MARCHF1: variants seen among roughly 807,000 people sequenced by gnomAD.
The protein encoded by MARCHF1 is membrane associated ring-CH-type finger 1.
Under a neutral mutation model 54.2 loss-of-function variants are expected in MARCHF1, and 40 were observed. That is an observed-to-expected ratio of 0.74 (90% confidence interval 0.57 to 0.96). The LOEUF is 0.96. Among genes scored for constraint, MARCHF1 ranks in the 40% least tolerant of loss-of-function variants. The probability of loss-of-function intolerance (pLI) is 0.00; values close to 1 mark genes in which losing one functional copy is unlikely to be tolerated. For missense variants in MARCHF1, 586 were observed against 656.5 expected (o/e 0.89, Z 1.17); for synonymous variants, 236 against 236.3 (o/e 1.00, Z 0.01).
intron 1 of MARCHF1, among the ~76,000 whole-genome samples, chr4:164,337,624 T>C (rs1729775967): frequency 6.6e-6 from 1 of 152,244 alleles, no homozygotes; most frequent in South Asian, 2.1e-4. Flanking sequence ...ATATCTGGCA[T>C]GTGTACACCT....
intron 1 of MARCHF1, among the ~76,000 whole-genome samples, chr4:164,208,885 G>T (rs140685207): frequency 8.7e-4 from 132 of 152,160 alleles, no homozygotes; most frequent in Middle Eastern, 3.4e-3. Context: ...AGGAGGTTCA[G>T]GTTGCAGTGA....
chr4:164,176,966 CTCTCTCTCTCTCTCTATATATATA>C (rs1188366842), intron 1 of MARCHF1, among the ~76,000 whole-genome samples: 23 of 46,728 alleles, frequency 4.9e-4, no homozygotes, highest in African/African-American at 2.4e-3. Flanking sequence ...CTCTCTCTCT[CTCTCTCTCTCTCTCTATATATATA>C]TATATATATA....
intron 5 of MARCHF1, among the ~76,000 whole-genome samples, chr4:163,691,039 A>G (rs76176284): frequency 0.03 from 4,525 of 152,266 alleles, 79 homozygotes; most frequent in East Asian, 0.077. Context: ...TATTATAAGT[A>G]TATAAGGCAA....
intron 1 of MARCHF1, among the ~76,000 whole-genome samples, chr4:164,232,499 G>A (rs751289602): frequency 1.3e-5 from 2 of 152,110 alleles, no homozygotes; most frequent in Admixed American, 6.6e-5. Context: ...AGCCAAAAAT[G>A]CAAATCCCTG....
chr4:163,947,546 G>A (rs529440923), intron 3 of MARCHF1, among the ~76,000 whole-genome samples: 4 of 152,322 alleles, frequency 2.6e-5, no homozygotes, highest in Admixed American at 1.3e-4. Context: ...TGGACCCAGA[G>A]ATGAGAGTGA....
intron 5 of MARCHF1, among the ~76,000 whole-genome samples, chr4:163,641,672 T>G (rs1742560436): frequency 6.6e-6 from 1 of 152,182 alleles, no homozygotes; most frequent in African/African-American, 2.4e-5. Flanking sequence ...GGAGCACAAA[T>G]CTGATGCATA....
intron 2 of MARCHF1, among the ~76,000 whole-genome samples, chr4:164,010,847 G>C (rs112452142): frequency 2.3e-4 from 35 of 152,088 alleles, no homozygotes; most frequent in African/African-American, 8.2e-4. Flanking sequence ...AAACATCATA[G>C]TATCTGCCTT....
intron 2 of MARCHF1, among the ~76,000 whole-genome samples, chr4:164,060,805 C>T (rs1177572785): frequency 3.3e-5 from 5 of 152,120 alleles, no homozygotes; most frequent in Non-Finnish European, 4.4e-5. Context: ...TAAGCAACAA[C>T]GAAGATGTTC....
At chr4:163,717,108 T>G (rs1745286000) in intron 4 of MARCHF1, among the ~76,000 whole-genome samples, 1 of 150,534 alleles carries the variant, frequency 6.6e-6, no homozygotes, top group Non-Finnish European at 1.5e-5. Context: ...AACTCGTCAT[T>G]TAGCATTAGG....
chr4:164,183,620 A>G (rs1730890463), intron 1 of MARCHF1, among the ~76,000 whole-genome samples: 1 of 152,168 alleles, frequency 6.6e-6, no homozygotes, highest in Admixed American at 6.5e-5. Context: ...TTAAATGTAC[A>G]TTTTTAACTT....
intron 4 of MARCHF1, among the ~76,000 whole-genome samples, chr4:163,705,727 A>G (rs1167831545): frequency 1.3e-5 from 2 of 152,008 alleles, no homozygotes; most frequent in African/African-American, 4.8e-5. Flanking sequence ...ATATAATGCT[A>G]ATTGTTAAAA....
intron 2 of MARCHF1, among the ~76,000 whole-genome samples, chr4:164,043,718 T>C (rs6817010): frequency 0.52 from 79,415 of 152,066 alleles, 21,799 homozygotes; most frequent in Middle Eastern, 0.69. Flanking sequence ...ATGGTCAGGC[T>C]ACAAATTTTC....
In MARCHF1 at chr4:163,769,404, G is replaced by A. The variant is rs1024557428; in HGVS notation, c.112-68541C>T. 3.1e-4 allele frequency among the ~76,000 whole-genome samples: 47 copies of A among 152,236 alleles called. 1 individual carries two copies. Among genetic ancestry groups the A allele is most frequent in the Admixed American group, 2.4e-3 (36 of 15,294 alleles). On this transcript the variant is annotated intron_variant, in intron 4 of 9. Coordinates refer to ENST00000514618, the MANE Select transcript of MARCHF1 (RefSeq NM_001394959.1). ...AAATTGAATGTTTTCCATGGGTCTA[G>A]CCCTGAGCTAAGCATTTTACATATA...
At chr4:163,933,354 T>C (rs1387815772) in intron 3 of MARCHF1, among the ~76,000 whole-genome samples, 1 of 152,224 alleles carries the variant, frequency 6.6e-6, no homozygotes, top group Non-Finnish European at 1.5e-5. Context: ...AACCCATTTA[T>C]GTATACGGAA....
At chr4:164,070,444 C>A (rs968127299) in intron 2 of MARCHF1, among the ~76,000 whole-genome samples, 47 of 152,192 alleles carry the variant, frequency 3.1e-4, no homozygotes, top group African/African-American at 1.1e-3. Flanking sequence ...ACAACAAAGA[C>A]TGGGATCATT....
chr4:164,176,953 T>A (rs1290715238), intron 1 of MARCHF1, among the ~76,000 whole-genome samples: 649 of 41,836 alleles, frequency 0.016, 24 homozygotes, highest in African/African-American at 0.074. Context: ...TCTCTCTCTC[T>A]CTCTCTCTCT....
rs17044750 is a variant in MARCHF1, at chr4:164,195,748, C to T, written c.-322-84086G>A. Reference sequence around the variant, plus strand: ...AGCCAATGACACTTCACATATGGTCCCTAGCTTGTTGGACACCTTAGAGTT... The same window carrying T: ...AGCCAATGACACTTCACATATGGTCTCTAGCTTGTTGGACACCTTAGAGTT... On this transcript the variant is annotated intron_variant, in intron 1 of 9. Transcript: ENST00000514618. Among the ~76,000 whole-genome samples the T allele has an allele frequency of 2.1e-3, 315 of 152,164 alleles. 1 individual carries two copies. The highest frequency in any genetic ancestry group is 7.4e-3 in the African/African-American group (308 of 41,494).
chr4:163,738,343 G>A (rs1015272286), intron 4 of MARCHF1, among the ~76,000 whole-genome samples: 2 of 152,194 alleles, frequency 1.3e-5, no homozygotes, highest in African/African-American at 4.8e-5. Context: ...GAACAAAGAT[G>A]AGTGCTTTTG....
At chr4:163,778,472 T>A (rs1747368039) in intron 4 of MARCHF1, among the ~76,000 whole-genome samples, 1 of 152,226 alleles carries the variant, frequency 6.6e-6, no homozygotes, top group Admixed American at 6.5e-5. Flanking sequence ...TAAGTGAGCA[T>A]CTTTTAATGT....
Sources: gnomAD v4.1 joint callset for allele counts (sites outside exome capture counted in the v4.1 genomes callset) on GRCh38, gnomAD v4.1.1 for gene constraint, MANE v1.5 for transcripts, NCBI Gene and HGNC (gene_info 2026-07-23, HGNC 2026-07-21) for gene names.